Variants in SBF2 observed in about 807,000 individuals in gnomAD.
The protein encoded by SBF2 is SET binding factor 2.
In SBF2, 112 loss-of-function variants were observed where a neutral mutation model predicts 225.2. The observed-to-expected ratio is 0.50, with a 90% confidence interval of 0.43 to 0.58. The LOEUF (loss-of-function observed/expected upper bound fraction) is 0.58. Among genes scored for constraint, SBF2 ranks in the 20% least tolerant of loss-of-function variants. The probability of loss-of-function intolerance (pLI) is 0.00; values close to 1 mark genes in which losing one functional copy is unlikely to be tolerated. For missense variants in SBF2, 1,996 were observed against 2,206.2 expected, an observed-to-expected ratio of 0.90 and a Z score of 1.91; for synonymous variants, 763 against 773.3, an observed-to-expected ratio of 0.99 and a Z score of 0.22.
intron 6 of SBF2, among the ~76,000 whole-genome samples, chr11:10,026,809 G>T (rs1949074137): frequency 6.6e-6 from 1 of 151,984 alleles, no homozygotes; most frequent in South Asian, 2.1e-4. Context: ...GTTCTTTGGA[G>T]ACATGCCACC....
chr11:9,851,581 G>C (rs1467731378), intron 21 of SBF2, among the ~76,000 whole-genome samples: 1 of 152,024 alleles, frequency 6.6e-6, no homozygotes, highest in East Asian at 1.9e-4. Context: ...TCTCCTGAAG[G>C]TCTAATATGT....
intron 2 of SBF2, among the ~76,000 whole-genome samples, chr11:10,102,081 G>A (rs1316555657): frequency 6.6e-6 from 1 of 152,206 alleles, no homozygotes; most frequent in African/African-American, 2.4e-5. Context: ...CAGTTTTAAA[G>A]ACTACTGGTA....
intron 6 of SBF2, among the ~76,000 whole-genome samples, chr11:10,021,170 A>G (rs1430477637): frequency 6.6e-6 from 1 of 152,190 alleles, no homozygotes; most frequent in African/African-American, 2.4e-5. Flanking sequence ...AAACTGTTGG[A>G]TACATTTTCT....
chr11:10,018,588 G>A (rs11042590), intron 6 of SBF2, among the ~76,000 whole-genome samples: 8,141 of 152,166 alleles, frequency 0.054, 482 homozygotes, highest in East Asian at 0.18. Context: ...CAAAGATAGA[G>A]CTATTTAATA....
Position 9,850,234 on chromosome 11 carries a change from G to A in SBF2, c.2611-16C>T. 2 of 1,584,544 alleles carry A rather than the reference G, an allele frequency of 1.3e-6. No individual in the cohort carries two copies. Among genetic ancestry groups the A allele is most frequent in the Non-Finnish European group, 1.7e-6 (2 of 1,163,742 alleles). On this transcript the variant is annotated splice_polypyrimidine_tract_variant and intron_variant, in intron 21 of 39. Transcript: ENST00000256190. ...GAATCTTGGGCTTACAACAGAAAAA[G>A]ATTGATTGATTGATTGATTGACTAA...
chr11:10,100,866 C>T (rs556535651), intron 2 of SBF2, among the ~76,000 whole-genome samples: 117 of 152,268 alleles, frequency 7.7e-4, no homozygotes, highest in African/African-American at 2.8e-3. Context: ...CTTGGTTCAG[C>T]CCCTTTGGGG....
rs531630253 is a variant in SBF2, at chr11:10,121,585, A to G, written c.141+72317T>C. ...CTCGAAACCAATTTTACATATGACTAGCAGCTGATCCCCTATTTCACCTAA... is the reference window on the plus strand; with the variant it reads ...CTCGAAACCAATTTTACATATGACTGGCAGCTGATCCCCTATTTCACCTAA... On this transcript the variant is annotated intron_variant, in intron 2 of 39. Transcript: ENST00000256190. Among the ~76,000 whole-genome samples the G allele has an allele frequency of 2.0e-5, 3 of 152,326 alleles. 1 individual carries two copies. The South Asian group carries it at 6.2e-4, about 32-fold the overall frequency.
chr11:9,968,786 C>T (rs1867133538), intron 13 of SBF2, among the ~76,000 whole-genome samples: 2 of 152,148 alleles, frequency 1.3e-5, no homozygotes, highest in South Asian at 4.1e-4. Context: ...GTTTCTAGGT[C>T]TTCTTGCTAC....
chr11:9,844,878 G>C (rs1856426928), intron 24 of SBF2, among the ~76,000 whole-genome samples: 1 of 151,918 alleles, frequency 6.6e-6, no homozygotes, highest in South Asian at 2.1e-4. Context: ...TGCACGTTCT[G>C]CACATGTATT....
intron 16 of SBF2, among the ~76,000 whole-genome samples, chr11:9,925,029 G>A (rs957738324): frequency 1.1e-4 from 17 of 152,088 alleles, no homozygotes; most frequent in Non-Finnish European, 1.8e-4. Flanking sequence ...AATTACAGGC[G>A]TGAGCCACCG....
chr11:10,097,029 T>G (rs1258930228), intron 2 of SBF2, among the ~76,000 whole-genome samples: 1 of 152,194 alleles, frequency 6.6e-6, no homozygotes, highest in Non-Finnish European at 1.5e-5. Flanking sequence ...GCCCCTAAAA[T>G]TCATGTGTTA....
intron 16 of SBF2, among the ~76,000 whole-genome samples, chr11:9,928,090 A>G (rs1864195220): frequency 6.6e-6 from 1 of 152,218 alleles, no homozygotes; most frequent in Non-Finnish European, 1.5e-5. Context: ...ATATCTATTC[A>G]TGAATAAAAA....
intron 16 of SBF2, among the ~76,000 whole-genome samples, chr11:9,950,423 GAA>G (rs1287442154): frequency 6.6e-5 from 10 of 152,088 alleles, no homozygotes; most frequent in Non-Finnish European, 1.2e-4. Context: ...AAATGAACAT[GAA>G]AAAGTTTTAA....
chr11:10,299,543 G>T (rs954872623), intron 1 of SBF2, among the ~76,000 whole-genome samples: 1 of 152,174 alleles, frequency 6.6e-6, no homozygotes, highest in Non-Finnish European at 1.5e-5. Context: ...GGAGTCCAGT[G>T]CAAAATGAAA....
chr11:9,810,000 G>A (rs1052365421), intron 30 of SBF2, among the ~76,000 whole-genome samples: 8 of 152,186 alleles, frequency 5.3e-5, no homozygotes, highest in Non-Finnish European at 7.3e-5. Context: ...TCCTGGCTGG[G>A]TGTGGTGGCT....
intron 34 of SBF2, 37 bp from the exon 35 acceptor site, chr11:9,789,379 C>T (rs753101763): frequency 1.3e-6 from 2 of 1,489,220 alleles, no homozygotes; most frequent in Admixed American, 3.4e-5. Context: ...TCATCTTGAC[C>T]CCAAAGTACC....
chr11:9,828,150 G>T (rs1274526737), intron 28 of SBF2: 2 of 1,289,132 alleles, frequency 1.6e-6, no homozygotes, highest in Non-Finnish European at 2.0e-6. Flanking sequence ...CTATTGGATG[G>T]GTTTACATCC....
intron 16 of SBF2, among the ~76,000 whole-genome samples, chr11:9,925,499 A>G (rs749068088): frequency 6.6e-6 from 1 of 151,928 alleles, no homozygotes; most frequent in African/African-American, 2.4e-5. Flanking sequence ...CTGGTCTCAA[A>G]CTCCAACCTC....
At chr11:10,187,269 TC>T (rs1272904352) in intron 2 of SBF2, among the ~76,000 whole-genome samples, 2 of 151,814 alleles carry the variant, frequency 1.3e-5, no homozygotes, top group South Asian at 2.1e-4. Flanking sequence ...ATTCTCTTTT[TC>T]CTCTCTCTCC....
Sources: gnomAD v4.1 joint callset for allele counts (sites outside exome capture counted in the v4.1 genomes callset) on GRCh38, gnomAD v4.1.1 for gene constraint, MANE v1.5 for transcripts, NCBI Gene and HGNC (gene_info 2026-07-23, HGNC 2026-07-21) for gene names.